Variants in CAST observed in about 807,000 individuals in gnomAD.
CAST encodes the protein MIR583 host.
CAST carries 76 observed loss-of-function variants against 119.6 expected under a neutral mutation model. The ratio of observed to expected loss-of-function variants is 0.64; its 90% confidence interval spans 0.53 to 0.77. CAST has a LOEUF of 0.77. Ranked by LOEUF, CAST falls within the 30% of genes least tolerant of loss-of-function variation. The pLI, the probability that CAST is intolerant of heterozygous loss-of-function variation, is 0.00. For missense variants in CAST, 953 were observed against 946.5 expected (o/e 1.01, Z -0.09); for synonymous variants, 319 against 331.6 (o/e 0.96, Z 0.41).
the CAST span, among the ~76,000 whole-genome samples, chr5:96,352,172 A>C: frequency 6.6e-6 from 1 of 152,168 alleles, no homozygotes; most frequent in Admixed American, 6.6e-5. Context: ...TATCATGTTT[A>C]TACATGTCTT....
the CAST span, chr5:96,432,845 G>A: frequency 1.9e-6 from 3 of 1,610,888 alleles, no homozygotes; most frequent in South Asian, 3.3e-5. Context: ...AAAGTTTCTT[G>A]AAAGTGGAAA....
the CAST span, among the ~76,000 whole-genome samples, chr5:96,269,560 TAAAC>T: frequency 6.6e-6 from 1 of 152,006 alleles, no homozygotes; most frequent in Non-Finnish European, 1.5e-5. Context: ...AATAAAATCA[TAAAC>T]AAAAGGGAAA....
chr5:96,158,423 T>C, the CAST span, among the ~76,000 whole-genome samples: 1 of 152,210 alleles, frequency 6.6e-6, no homozygotes, highest in Non-Finnish European at 1.5e-5. Context: ...ACTGCATCTC[T>C]ATGCCACCCT....
chr5:96,697,125 G>A (rs777732406), intron 3 of CAST, among the ~76,000 whole-genome samples: 1 of 151,736 alleles, frequency 6.6e-6, no homozygotes, highest in Admixed American at 6.6e-5. Context: ...CCGAGATAGC[G>A]CCACTGCACT....
chr5:96,684,374 G>T (rs191398028), intron 2 of CAST, among the ~76,000 whole-genome samples: 3,035 of 152,144 alleles, frequency 0.02, 55 homozygotes, highest in Non-Finnish European at 0.032. Flanking sequence ...GTCTCGTATT[G>T]ATGTCTACCT....
the CAST span, among the ~76,000 whole-genome samples, chr5:96,412,752 G>GTTTTTTTTTTTTTTTTTTTTTTTTTT: frequency 4.2e-5 from 3 of 71,806 alleles, no homozygotes; most frequent in African/African-American, 2.7e-4. Flanking sequence ...CAGCTGTGAT[G>GTTTTTTTTTTTTTTTTTTTTTTTTTT]TTTTTTTTTT....
chr5:96,058,828 C>A, the CAST span, among the ~76,000 whole-genome samples: 4 of 152,094 alleles, frequency 2.6e-5, no homozygotes, highest in African/African-American at 4.8e-5. Flanking sequence ...GTCTGGCAGA[C>A]CTCCTTAACA....
the CAST span, among the ~76,000 whole-genome samples, chr5:96,489,417 T>C: frequency 1.3e-5 from 1 of 74,296 alleles, no homozygotes; most frequent in Non-Finnish European, 4.2e-5. Flanking sequence ...TCATTGATTA[T>C]GAAGGGAATA....
chr5:96,324,335 A>G, the CAST span, among the ~76,000 whole-genome samples: 1 of 152,220 alleles, frequency 6.6e-6, no homozygotes. Context: ...GACTCCAACA[A>G]TCTTACTACC....
At chr5:95,982,887 T>G in the CAST span, among the ~76,000 whole-genome samples, 2 of 152,190 alleles carry the variant, frequency 1.3e-5, no homozygotes, top group Non-Finnish European at 2.9e-5. Context: ...GCCCAAGATA[T>G]TTTTTACAAC....
chr5:96,229,725 C>A, the CAST span, among the ~76,000 whole-genome samples: 1 of 151,924 alleles, frequency 6.6e-6, no homozygotes, highest in Non-Finnish European at 1.5e-5. Flanking sequence ...TTTTTCACTC[C>A]CGTAATCTAT....
the CAST span, among the ~76,000 whole-genome samples, chr5:96,482,141 T>G: frequency 6.6e-3 from 1,000 of 152,244 alleles, 12 homozygotes; most frequent in African/African-American, 0.023. Flanking sequence ...ATCTGACCTT[T>G]GCTGAAGATT....
the CAST span, among the ~76,000 whole-genome samples, chr5:95,985,305 C>A: frequency 6.6e-6 from 1 of 152,162 alleles, no homozygotes; most frequent in African/African-American, 2.4e-5. Context: ...CAGATTAAGA[C>A]CTTGTCTCTA....
chr5:96,570,766 T>G (rs1477466785), intron 1 of CAST, among the ~76,000 whole-genome samples: 5 of 152,216 alleles, frequency 3.3e-5, no homozygotes, highest in African/African-American at 1.2e-4. Flanking sequence ...ATGAATGCAA[T>G]GCTGAAACAT....
chr5:96,148,784 G>A, the CAST span, among the ~76,000 whole-genome samples: 1 of 152,196 alleles, frequency 6.6e-6, no homozygotes, highest in African/African-American at 2.4e-5. Context: ...GTGAAGAAAT[G>A]CCTAACTATA....
chr5:95,977,776 G>T, the CAST span, among the ~76,000 whole-genome samples: 2 of 151,980 alleles, frequency 1.3e-5, no homozygotes, highest in Non-Finnish European at 2.9e-5. Flanking sequence ...CTCATTATCT[G>T]TTTTTCCTGA....
the CAST span, among the ~76,000 whole-genome samples, chr5:96,193,030 A>C: frequency 2.8e-4 from 42 of 152,350 alleles, no homozygotes; most frequent in African/African-American, 9.4e-4. Context: ...ACTAACTAGT[A>C]ATCTTAATGT....
chr5:96,498,276 AG>A, the CAST span, among the ~76,000 whole-genome samples: 1 of 152,206 alleles, frequency 6.6e-6, no homozygotes, highest in Non-Finnish European at 1.5e-5. Flanking sequence ...TGTGTAGTAT[AG>A]TTTGAAGTCA....
the CAST span, among the ~76,000 whole-genome samples, chr5:96,171,443 G>A: frequency 5.6e-4 from 85 of 152,274 alleles, 1 homozygote; most frequent in African/African-American, 1.9e-3. Flanking sequence ...GAGAGAAGGG[G>A]TGGGGAGCAG....
Sources: allele counts gnomAD v4.1 joint callset (sites outside exome capture counted in the v4.1 genomes callset), GRCh38; gene constraint gnomAD v4.1.1; transcripts MANE v1.5; gene names NCBI Gene and HGNC (gene_info 2026-07-23, HGNC 2026-07-21).